Variants in PDE1C observed in about 807,000 individuals in gnomAD.
PDE1C encodes the protein phosphodiesterase 1C.
Under a neutral mutation model 93.1 loss-of-function variants are expected in PDE1C, and 62 were observed. That is an observed-to-expected ratio of 0.67 (90% confidence interval 0.54 to 0.82). The LOEUF (loss-of-function observed/expected upper bound fraction) is 0.82. PDE1C is among the 40% of genes least tolerant of loss of function. The probability of loss-of-function intolerance (pLI) is 0.00; values close to 1 mark genes in which losing one functional copy is unlikely to be tolerated. For synonymous variants in PDE1C, 325 were observed against 310.1 expected (o/e 1.05, Z -0.50); for missense variants, 742 against 884.6 (o/e 0.84, Z 2.04).
At chr7:32,215,838 G>A (rs1806388883) in intron 1 of PDE1C, among the ~76,000 whole-genome samples, 1 of 152,204 alleles carries the variant, frequency 6.6e-6, no homozygotes, top group Non-Finnish European at 1.5e-5. Flanking sequence ...AGTCCTGGGT[G>A]CCAGGGCAAA....
the PDE1C span, among the ~76,000 whole-genome samples, chr7:31,657,858 A>G: frequency 6.6e-6 from 1 of 152,082 alleles, no homozygotes; most frequent in Non-Finnish European, 1.5e-5. Context: ...AATGAAAATG[A>G]AAAAAAAGAA....
intron 3 of PDE1C, among the ~76,000 whole-genome samples, chr7:32,129,272 C>T (rs1231630756): frequency 4.0e-5 from 6 of 151,638 alleles, no homozygotes; most frequent in Non-Finnish European, 8.8e-5. Context: ...AAACATGGCA[C>T]TCATGCAAAG....
At chr7:32,365,856 G>T (rs1007594278) in intron 1 of PDE1C, among the ~76,000 whole-genome samples, 1 of 151,710 alleles carries the variant, frequency 6.6e-6, no homozygotes, top group Non-Finnish European at 1.5e-5. Flanking sequence ...GAGATTACAC[G>T]ACTGTGTCCA....
chr7:31,688,645 C>G, the PDE1C span, among the ~76,000 whole-genome samples: 1 of 152,316 alleles, frequency 6.6e-6, no homozygotes. Flanking sequence ...TATTGCTGCT[C>G]TTAGTGGTAT....
At chr7:32,047,059 C>CAG (rs963281480) in intron 2 of PDE1C, among the ~76,000 whole-genome samples, 4 of 75,702 alleles carry the variant, frequency 5.3e-5, no homozygotes, top group African/African-American at 1.1e-4. Flanking sequence ...GTGTGCGAGA[C>CAG]AGAGTGTGTG....
rs570033475 is a variant in PDE1C at position 32,295,245 on chromosome 7, G to T, written c.85+3406C>A. On this transcript the variant is annotated intron_variant, in intron 1 of 18. Transcript: ENST00000396193. Reference sequence around the variant, plus strand: ...AGTTAACAAACTCCCAGATCCCTCTGCTGCAGAATGATGGGCTAGTACCGA... The same window carrying T: ...AGTTAACAAACTCCCAGATCCCTCTTCTGCAGAATGATGGGCTAGTACCGA... Among the ~76,000 whole-genome samples the T allele has an allele frequency of 2.0e-3, 298 of 152,280 alleles. 2 individuals carry two copies. The highest frequency in any genetic ancestry group is 6.9e-3 in the African/African-American group (287 of 41,564).
chr7:32,418,198 T>C (rs1785314132), intron 1 of PDE1C, among the ~76,000 whole-genome samples: 1 of 152,030 alleles, frequency 6.6e-6, no homozygotes, highest in Non-Finnish European at 1.5e-5. Flanking sequence ...CCCCACATAC[T>C]ATTTCTTTCC....
intron 2 of PDE1C, among the ~76,000 whole-genome samples, chr7:32,181,262 A>G (rs991712648): frequency 6.6e-6 from 1 of 152,170 alleles, no homozygotes; most frequent in Non-Finnish European, 1.5e-5. Context: ...TAACAAGGAT[A>G]TCCAGGAACT....
intron 1 of PDE1C, among the ~76,000 whole-genome samples, chr7:32,387,257 A>C: frequency 6.6e-6 from 1 of 152,144 alleles, no homozygotes; most frequent in South Asian, 2.1e-4. Context: ...CAAAATGAAA[A>C]GTCTCCATGT....
intron 3 of PDE1C, among the ~76,000 whole-genome samples, chr7:32,100,051 C>T (rs1051841556): frequency 1.3e-5 from 2 of 152,156 alleles, no homozygotes; most frequent in East Asian, 1.9e-4. Flanking sequence ...TGGTAATATG[C>T]TTATCCCCAC....
chr7:32,404,139 A>G (rs2128096222), intron 1 of PDE1C, among the ~76,000 whole-genome samples: 1 of 152,216 alleles, frequency 6.6e-6, no homozygotes, highest in East Asian at 1.9e-4. Flanking sequence ...CATGTTCCTT[A>G]AGCTCTCTGT....
intron 17 of PDE1C, among the ~76,000 whole-genome samples, chr7:31,761,771 GTCTTCATCTCTCCAATCCTCTCAT>G (rs1794845843): frequency 1.3e-5 from 2 of 152,124 alleles, no homozygotes; most frequent in Non-Finnish European, 2.9e-5. Context: ...CAAAACTACT[GTCTTCATCTCTCCAATCCTCTCAT>G]TCTTCATCTT....
intron 1 of PDE1C, among the ~76,000 whole-genome samples, chr7:32,231,690 T>TGTA (rs1487995888): frequency 1.3e-5 from 2 of 152,092 alleles, no homozygotes; most frequent in Non-Finnish European, 2.9e-5. Flanking sequence ...AAAGAAAAAT[T>TGTA]GTAGATCAAT....
chr7:31,811,235 T>C (rs1249406513), intron 15 of PDE1C, among the ~76,000 whole-genome samples: 2 of 152,088 alleles, frequency 1.3e-5, no homozygotes, highest in African/African-American at 4.8e-5. Flanking sequence ...GCCACCACCA[T>C]GTAAGATGTG....
chr7:31,643,592 A>T, the PDE1C span: 1 of 1,614,010 alleles, frequency 6.2e-7, no homozygotes. Context: ...ACTGTGTGTG[A>T]TCCTGTTACC....
chr7:32,063,162 C>T lies in PDE1C; in HGVS notation c.101+7131G>A, dbSNP rs181980453. Among the ~76,000 whole-genome samples, 175 of 152,260 alleles carry T rather than the reference C, an allele frequency of 1.1e-3. 1 individual carries two copies. Among genetic ancestry groups the T allele is most frequent in the African/African-American group, 4.0e-3 (167 of 41,532 alleles). On this transcript the variant is annotated intron_variant, in intron 1 of 17. Coordinates refer to ENST00000396191, the MANE Select transcript of PDE1C (RefSeq NM_001191057.4). ...CATTTTTATTGCTAGTGGGAAACTC[C>T]GATGATGGTCATTCTCAAAGCTGTC...
intron 1 of PDE1C, among the ~76,000 whole-genome samples, chr7:32,365,341 C>G (rs1032397237): frequency 6.6e-6 from 1 of 152,182 alleles, no homozygotes; most frequent in Non-Finnish European, 1.5e-5. Context: ...CAGACATGCA[C>G]CTGTGCCAGC....
intron 1 of PDE1C, among the ~76,000 whole-genome samples, chr7:32,283,563 C>T (rs1026119939): frequency 3.9e-5 from 6 of 152,176 alleles, no homozygotes; most frequent in African/African-American, 1.4e-4. Flanking sequence ...CATTGGCATG[C>T]CAGTTCTTTT....
chr7:31,709,910 G>C, the PDE1C span, among the ~76,000 whole-genome samples: 1 of 152,186 alleles, frequency 6.6e-6, no homozygotes, highest in East Asian at 1.9e-4. Context: ...CAACACTTTG[G>C]AAAGTCGAGG....
Sources: allele counts gnomAD v4.1 joint callset (sites outside exome capture counted in the v4.1 genomes callset), GRCh38; gene constraint gnomAD v4.1.1; transcripts MANE v1.5; gene names NCBI Gene and HGNC (gene_info 2026-07-23, HGNC 2026-07-21).